SDC3: variants seen among roughly 807,000 people sequenced by gnomAD.
SDC3 encodes the protein syndecan-3.
In SDC3, 13 loss-of-function variants were observed where a neutral mutation model predicts 24.4. That is an observed-to-expected ratio of 0.53 (90% CI 0.35 to 0.85). The LOEUF (loss-of-function observed/expected upper bound fraction) is 0.85, where lower values mean the gene tolerates loss of function less well. Among genes scored for constraint, SDC3 ranks in the 40% least tolerant of loss-of-function variants. The pLI, the probability that SDC3 is intolerant of heterozygous loss-of-function variation, is 0.01. For missense variants in SDC3, 571 were observed against 584.5 expected (o/e 0.98, Z 0.24); for synonymous variants, 295 against 260.9 (o/e 1.13, Z -1.26).
chr1:30,879,511 C>T (rs1243696542), intron 1 of SDC3, among the ~76,000 whole-genome samples: 1 of 152,086 alleles, frequency 6.6e-6, no homozygotes, highest in Non-Finnish European at 1.5e-5. Context: ...AGAAAAATAC[C>T]CACGGTGGAG....
Position 30,869,498 on chromosome 1 carries a change from A to C in SDC3, c.*3713T>G. ...AGCTTAATTTTATTTCCTCTTATAA[A>C]TGGGCACAGCACAGGAAGTGTTAAA... On this transcript the variant is annotated 3_prime_UTR_variant, in exon 5 of 5. Coordinates refer to ENST00000339394, the MANE Select transcript of SDC3 (RefSeq NM_014654.4). The C allele has an allele frequency of 2.6e-6, 1 of 389,732 alleles. No homozygotes were observed. Among genetic ancestry groups the C allele is most frequent in the Non-Finnish European group, 4.5e-6 (1 of 221,046 alleles). The allele number at this position is 389,732 out of a possible 1,614,324, so 24.1% of individuals were successfully genotyped here.
At position 30,874,553 on chromosome 1, in the gene SDC3, C is replaced by T. The variant is rs754308924; in HGVS notation, c.906G>A (p.Arg302=). 6.8e-6 allele frequency: 11 copies of T among 1,614,014 alleles called. No homozygotes were observed. The East Asian group carries it at 2.5e-4, about 36-fold the overall frequency. The change falls in exon 4 of 5, where the codon CGG becomes CGA. Residue 302 remains arginine (R), a synonymous_variant. Transcript: ENST00000339394. ...CACTCACCGGAACCTCTGGCTCATCCCGGATTGTGGTCAGGAAGGTCTCTG... is the reference window on the plus strand; with the variant it reads ...CACTCACCGGAACCTCTGGCTCATCTCGGATTGTGGTCAGGAAGGTCTCTG... ...PTPETFLTTI[R]DEPEVPVSGG...
intron 1 of SDC3, among the ~76,000 whole-genome samples, chr1:30,891,244 C>T (rs950058418): frequency 6.6e-6 from 1 of 152,234 alleles, no homozygotes; most frequent in African/African-American, 2.4e-5. Context: ...GCCCTCTGTC[C>T]CCATGGCTGT....
intron 1 of SDC3, among the ~76,000 whole-genome samples, chr1:30,889,327 CTGCAAATGGAACAATGATA>C (rs1309765377): frequency 6.6e-6 from 1 of 152,232 alleles, no homozygotes; most frequent in Non-Finnish European, 1.5e-5. Flanking sequence ...GTTCCACCAT[CTGCAAATGGAACAATGATA>C]TGGCCCAGAG....
chr1:30,885,577 G>C (rs573302528), intron 1 of SDC3, among the ~76,000 whole-genome samples: 1 of 152,302 alleles, frequency 6.6e-6, no homozygotes, highest in South Asian at 2.1e-4. Flanking sequence ...GAGACTGTTC[G>C]TGAGGGACCT....
intron 1 of SDC3, among the ~76,000 whole-genome samples, chr1:30,888,459 A>C (rs1639862583): frequency 6.6e-6 from 1 of 152,180 alleles, no homozygotes. Flanking sequence ...AACCTGCTGG[A>C]GTCAGCCTGA....
chr1:30,883,856 G>A (rs997367949), intron 1 of SDC3, among the ~76,000 whole-genome samples: 4 of 152,098 alleles, frequency 2.6e-5, no homozygotes, highest in East Asian at 3.9e-4. Flanking sequence ...CTAGCTCCTC[G>A]AGGCAGGGAG....
intron 1 of SDC3, among the ~76,000 whole-genome samples, chr1:30,889,641 A>G (rs971705352): frequency 6.6e-6 from 1 of 152,198 alleles, no homozygotes; most frequent in African/African-American, 2.4e-5. Flanking sequence ...TAGATGTTCT[A>G]TAAATACTTG....
At chr1:30,902,056 G>A (rs1317618350) in intron 1 of SDC3, among the ~76,000 whole-genome samples, 3 of 152,134 alleles carry the variant, frequency 2.0e-5, no homozygotes, top group African/African-American at 7.2e-5. Flanking sequence ...ACTTCAAGCT[G>A]CCCCCTCAGG....
intron 1 of SDC3, among the ~76,000 whole-genome samples, chr1:30,893,317 C>CCA (rs1553139085): frequency 2.3e-5 from 3 of 128,042 alleles, no homozygotes; most frequent in Admixed American, 7.3e-5. Flanking sequence ...CCCCCCCCCC[C>CCA]ACCATGTCTC....
At chr1:30,895,512 T>TA (rs1482240363) in intron 1 of SDC3, among the ~76,000 whole-genome samples, 1 of 152,130 alleles carries the variant, frequency 6.6e-6, no homozygotes. Context: ...TGAGTGACCC[T>TA]CAACAGCCAC....
chr1:30,906,751 C>T (rs1388811654), intron 1 of SDC3, among the ~76,000 whole-genome samples: 1 of 152,182 alleles, frequency 6.6e-6, no homozygotes, highest in Non-Finnish European at 1.5e-5. Flanking sequence ...TGCCACGAAT[C>T]GGCGGGGGTA....
At chr1:30,894,161 G>T (rs191839230) in intron 1 of SDC3, among the ~76,000 whole-genome samples, 1 of 142,186 alleles carries the variant, frequency 7.0e-6, no homozygotes, top group East Asian at 2.3e-4. Flanking sequence ...GTGAGTGTGC[G>T]TGTGTGTGAG....
At chr1:30,875,359 G>A (rs955915913) in intron 3 of SDC3, among the ~76,000 whole-genome samples, 10 of 152,168 alleles carry the variant, frequency 6.6e-5, no homozygotes, top group African/African-American at 9.7e-5. Context: ...CCTGGGCTCC[G>A]TGCCCCATCA....
At chr1:30,904,233 A>G (rs1638471230) in intron 1 of SDC3, among the ~76,000 whole-genome samples, 1 of 152,084 alleles carries the variant, frequency 6.6e-6, no homozygotes, top group Non-Finnish European at 1.5e-5. Context: ...AATAAAATAA[A>G]ATACTAAAAT....
chr1:30,872,843 G>T lies in SDC3; in HGVS notation c.*368C>A. ...TCTGCCCCAAAAAGGAGATCTCAGT[G>T]AGCACTGTGGGTGCCAAGTCAGGGC... On this transcript the variant is annotated 3_prime_UTR_variant, in exon 5 of 5. Transcript: ENST00000339394. 1 of 246,682 alleles carries T rather than the reference G, an allele frequency of 4.1e-6. No individual in the cohort carries two copies. Among genetic ancestry groups the T allele is most frequent in the Non-Finnish European group, 7.9e-6 (1 of 127,302 alleles). The allele number at this position is 246,682 out of a possible 1,614,324, so 15.3% of individuals were successfully genotyped here.
intron 1 of SDC3, among the ~76,000 whole-genome samples, chr1:30,897,777 C>G (rs1020399807): frequency 6.6e-6 from 1 of 152,232 alleles, no homozygotes; most frequent in Non-Finnish European, 1.5e-5. Flanking sequence ...TTTAACCTCT[C>G]TGTACCTTGA....
At position 30,878,628 on chromosome 1, in the gene SDC3, G is replaced by A. The variant is rs549486633; in HGVS notation, c.251C>T (p.Ser84Leu). 4.0e-5 allele frequency: 65 copies of A among 1,613,376 alleles called. No individual in the cohort carries two copies. The highest frequency in any genetic ancestry group is 4.5e-5 in the East Asian group (2 of 44,866). Residue 84 changes from serine to leucine, a missense_variant, in exon 2 of 5, where the codon TCG (serine) becomes TTG (leucine). Physicochemically the swap from Ser to Leu is moderately radical, Grantham distance 145. This residue lies in a region of SDC3 where 497 missense variants were observed against 471.6 expected (regional missense o/e 1.05). Transcript: ENST00000339394. ...GTAGGGAGGGGGGTACTTACAGCCC[G>A]AGCCCGACCCCGAGTAGAGGTCATC... ...ELDDLYSGSG[S>L]GYFEQESGIE...
In SDC3 at chr1:30,873,268, G is replaced by C. The variant is rs775066081; in HGVS notation, c.1272C>G (p.Pro424=). 6.2e-7 allele frequency: 1 copy of C among 1,613,276 alleles called. No individual in the cohort carries two copies. The highest frequency in any genetic ancestry group is 1.3e-5 in the African/African-American group (1 of 74,888). The change falls in exon 5 of 5, where the codon CCC becomes CCG. Residue 424 remains proline (P), a synonymous_variant. Coordinates refer to ENST00000339394, the MANE Select transcript of SDC3 (RefSeq NM_014654.4). ...TCTGGTATGTGACGCTCGCCTGCTT[G>C]GGTTCCTCCAGCGTGTAGCTGCCCT... is the stretch of plus-strand genomic sequence containing the variant. ...KDEGSYTLEE[P]KQASVTYQKP...
Sources: gnomAD v4.1 joint callset for allele counts (sites outside exome capture counted in the v4.1 genomes callset) on GRCh38, gnomAD v4.1.1 for gene constraint, gnomAD v4.1.1 regional missense constraint, MANE v1.5 for transcripts, NCBI Gene and HGNC (gene_info 2026-07-23, HGNC 2026-07-21) for gene names.